The following RNF168 variants were observed in gnomAD, a reference collection of about 807,000 sequenced individuals.
RNF168 encodes the protein E3 ubiquitin-protein ligase RNF168.
RNF168 carries 34 observed loss-of-function variants against 34.9 expected under a neutral mutation model. The ratio of observed to expected loss-of-function variants is 0.97; its 90% CI spans 0.74 to 1.30. The LOEUF is 1.30. Ranked by LOEUF, RNF168 falls within the 50% of genes most tolerant of loss-of-function variation. The probability of loss-of-function intolerance (pLI) is 0.00; values close to 1 mark genes in which losing one functional copy is unlikely to be tolerated. For synonymous variants in RNF168, 264 were observed against 254.7 expected, an observed-to-expected ratio of 1.04 and a Z score of -0.35; for missense variants, 725 against 682.5, an observed-to-expected ratio of 1.06 and a Z score of -0.69.
chr3:196,474,526 C>T (rs1732094500), intron 5 of RNF168, among the ~76,000 whole-genome samples: 1 of 151,544 alleles, frequency 6.6e-6, no homozygotes, highest in South Asian at 2.1e-4. Context: ...CAGCTCACCG[C>T]AACCTCTACC....
At chr3:196,475,030 C>T in intron 5 of RNF168, 1 of 550,564 alleles carries the variant, frequency 1.8e-6, no homozygotes, top group Non-Finnish European at 3.2e-6. Context: ...AAAAACTTTG[C>T]TTTTTGTAGT....
chr3:196,500,935 T>A (rs1487927595), intron 1 of RNF168, among the ~76,000 whole-genome samples: 1 of 152,008 alleles, frequency 6.6e-6, no homozygotes, highest in Non-Finnish European at 1.5e-5. Context: ...ATGGTCTCGA[T>A]CTCCTGACCT....
At chr3:196,491,343 A>C (rs1451518633) in intron 1 of RNF168, among the ~76,000 whole-genome samples, 1 of 149,690 alleles carries the variant, frequency 6.7e-6, no homozygotes, top group Non-Finnish European at 1.5e-5. Flanking sequence ...CAAACAAAAA[A>C]CCCAAATAAA....
intron 4 of RNF168, among the ~76,000 whole-genome samples, chr3:196,475,807 C>T (rs1273399056): frequency 1.3e-5 from 2 of 151,654 alleles, no homozygotes; most frequent in African/African-American, 4.8e-5. Context: ...GCCTTGGCCT[C>T]CCAAAGTGCT....
At chr3:196,497,679 G>A (rs1263387780) in intron 1 of RNF168, among the ~76,000 whole-genome samples, 1 of 151,796 alleles carries the variant, frequency 6.6e-6, no homozygotes, top group African/African-American at 2.4e-5. Flanking sequence ...AAAAAAAAAG[G>A]TAAAACTATA....
chr3:196,485,903 C>T (rs932656750), intron 3 of RNF168, among the ~76,000 whole-genome samples: 23 of 152,136 alleles, frequency 1.5e-4, no homozygotes, highest in Admixed American at 1.1e-3. Flanking sequence ...TCACACTTCC[C>T]TACATGCCTC....
At chr3:196,476,759 T>C (rs1023789163) in intron 4 of RNF168, among the ~76,000 whole-genome samples, 5 of 140,200 alleles carry the variant, frequency 3.6e-5, no homozygotes, top group Admixed American at 6.9e-5. Flanking sequence ...ATTTCTTTCT[T>C]TTTTTTTGAG....
At chr3:196,476,757 CT>C (rs377410955) in intron 4 of RNF168, among the ~76,000 whole-genome samples, 5,641 of 147,294 alleles carry the variant, frequency 0.038, 357 homozygotes, top group African/African-American at 0.13. Context: ...ACATTTCTTT[CT>C]TTTTTTTTGA....
intron 4 of RNF168, among the ~76,000 whole-genome samples, chr3:196,478,726 G>T (rs146399355): frequency 3.0e-4 from 45 of 151,966 alleles, no homozygotes; most frequent in African/African-American, 1.1e-3. Flanking sequence ...AAGTACAATG[G>T]CACAATCTCT....
intron 1 of RNF168, among the ~76,000 whole-genome samples, chr3:196,498,220 C>T (rs1281765671): frequency 1.2e-4 from 18 of 152,222 alleles, no homozygotes; most frequent in African/African-American, 3.9e-4. Context: ...TGCAGTGGCG[C>T]GATCTAGGCT....
rs2108657602 is a variant in RNF168 at position 196,503,274 on chromosome 3, G to A, written c.-101C>T. Reference sequence around the variant, plus strand: ...AGAGCAAAAGCAGTTTTGTGTTTCAGTATTATGCCCAGAAGCGTATCAGAA... The same window carrying A: ...AGAGCAAAAGCAGTTTTGTGTTTCAATATTATGCCCAGAAGCGTATCAGAA... On this transcript the variant is annotated 5_prime_UTR_variant, in exon 1 of 6. Coordinates refer to ENST00000318037, the MANE Select transcript of RNF168 (RefSeq NM_152617.4). 9.9e-7 allele frequency: 1 copy of A among 1,005,280 alleles called. No individual in the cohort carries two copies. The highest frequency in any genetic ancestry group is 1.4e-5 in the South Asian group (1 of 73,798). 62.3% of individuals were successfully genotyped at this position (1,005,280 alleles called of 1,614,324 possible). A position where few individuals can be genotyped will look rare whatever the true frequency, so the allele number is the denominator to read the frequency against.
chr3:196,472,874 T>C, intron 5 of RNF168, 102 bp from the exon 6 acceptor site: 1 of 692,880 alleles, frequency 1.4e-6, no homozygotes, highest in South Asian at 1.6e-5. Context: ...TCACTATACA[T>C]TATTATTACT....
chr3:196,475,044 T>C, intron 5 of RNF168, 187 bp downstream of exon 5: 1 of 569,782 alleles, frequency 1.8e-6, no homozygotes, highest in South Asian at 2.0e-5. Context: ...TTGTAGTATG[T>C]TTATTTAAAA....
At chr3:196,496,649 T>C (rs1309101617) in intron 1 of RNF168, among the ~76,000 whole-genome samples, 1 of 152,216 alleles carries the variant, frequency 6.6e-6, no homozygotes, top group Non-Finnish European at 1.5e-5. Context: ...TTCTATTAAG[T>C]TCAATGCAAC....
chr3:196,502,512 C>A (rs1732923559), intron 1 of RNF168, among the ~76,000 whole-genome samples: 2 of 151,278 alleles, frequency 1.3e-5, no homozygotes, highest in African/African-American at 4.9e-5. Context: ...CGCTTGAAAC[C>A]GGGAGGCGGA....
intron 4 of RNF168, among the ~76,000 whole-genome samples, chr3:196,476,008 C>T (rs895413877): frequency 2.0e-5 from 3 of 151,490 alleles, no homozygotes; most frequent in Non-Finnish European, 2.9e-5. Flanking sequence ...TACAGGCGCC[C>T]GCCACCACGC....
chr3:196,488,954 C>A (rs771942613), intron 1 of RNF168, among the ~76,000 whole-genome samples: 1 of 151,500 alleles, frequency 6.6e-6, no homozygotes, highest in Non-Finnish European at 1.5e-5. Flanking sequence ...CAGGTTCAAG[C>A]GATTCTCCTG....
chr3:196,484,898 C>G (rs996324999), intron 3 of RNF168, among the ~76,000 whole-genome samples: 3 of 152,090 alleles, frequency 2.0e-5, no homozygotes, highest in African/African-American at 7.2e-5. Flanking sequence ...TCAAGTGATT[C>G]CCCCACCACA....
At chr3:196,486,648 A>G (rs2108649847) in intron 3 of RNF168, among the ~76,000 whole-genome samples, 1 of 152,354 alleles carries the variant, frequency 6.6e-6, no homozygotes, top group East Asian at 1.9e-4. Flanking sequence ...AAAAAGTTGT[A>G]AGAAACTGTT....
Sources: gnomAD v4.1 joint callset for allele counts (sites outside exome capture counted in the v4.1 genomes callset) on GRCh38, gnomAD v4.1.1 for gene constraint, MANE v1.5 for transcripts, NCBI Gene and HGNC (gene_info 2026-07-23, HGNC 2026-07-21) for gene names.